Variants in ZCCHC7 observed in about 807,000 individuals in gnomAD.
ZCCHC7 encodes the protein zinc finger CCHC-type containing 7, also known as zinc finger CCHC domain-containing protein 7.
In ZCCHC7, 35 loss-of-function variants were observed where a neutral mutation model predicts 52.0. The ratio of observed to expected loss-of-function variants is 0.67; its 90% confidence interval spans 0.51 to 0.89. The LOEUF (loss-of-function observed/expected upper bound fraction) is 0.89, where lower values mean the gene tolerates loss of function less well. Ranked by LOEUF, ZCCHC7 falls within the 40% of genes least tolerant of loss-of-function variation. ZCCHC7 has a pLI of 0.00. For synonymous variants in ZCCHC7, 217 were observed against 221.5 expected (o/e 0.98, Z 0.18); for missense variants, 574 against 649.1 (o/e 0.88, Z 1.26).
At chr9:37,160,412 G>A (rs1821034206) in intron 2 of ZCCHC7, among the ~76,000 whole-genome samples, 1 of 152,216 alleles carries the variant, frequency 6.6e-6, no homozygotes, top group Admixed American at 6.5e-5. Flanking sequence ...CTACTTGGGA[G>A]GCTGAGGCAG....
intron 2 of ZCCHC7, among the ~76,000 whole-genome samples, chr9:37,257,141 C>T (rs149143275): frequency 6.6e-4 from 100 of 152,178 alleles, no homozygotes; most frequent in African/African-American, 2.3e-3. Flanking sequence ...AATCTGTAGC[C>T]GTAGTAAATT....
At chr9:37,287,131 G>C (rs1828291649) in intron 2 of ZCCHC7, among the ~76,000 whole-genome samples, 1 of 144,668 alleles carries the variant, frequency 6.9e-6, no homozygotes, top group Non-Finnish European at 1.5e-5. Context: ...CCGGGCTCTA[G>C]CAGTCCTACT....
chr9:37,254,674 A>C (rs1027609158), intron 2 of ZCCHC7, among the ~76,000 whole-genome samples: 5 of 152,016 alleles, frequency 3.3e-5, no homozygotes, highest in African/African-American at 4.8e-5. Context: ...AATTAGAGTA[A>C]GTATGTGAAA....
intron 6 of ZCCHC7, among the ~76,000 whole-genome samples, chr9:37,336,372 A>T (rs576543701): frequency 1.3e-5 from 2 of 152,300 alleles, no homozygotes; most frequent in East Asian, 3.9e-4. Flanking sequence ...CTCAGATGGA[A>T]CATATTGTAA....
chr9:37,201,236 T>C (rs941618810), intron 2 of ZCCHC7, among the ~76,000 whole-genome samples: 5 of 152,212 alleles, frequency 3.3e-5, no homozygotes, highest in Non-Finnish European at 5.9e-5. Context: ...ATTGTCTTTT[T>C]AATGCCATAT....
chr9:37,278,323 A>T (rs1426826311), intron 2 of ZCCHC7, among the ~76,000 whole-genome samples: 3 of 152,344 alleles, frequency 2.0e-5, no homozygotes, highest in Admixed American at 1.3e-4. Flanking sequence ...AAATAAAACT[A>T]TAAAAGAGAA....
chr9:37,136,700 C>A (rs1843011936), intron 2 of ZCCHC7, among the ~76,000 whole-genome samples: 2 of 152,280 alleles, frequency 1.3e-5, no homozygotes, highest in Admixed American at 6.5e-5. Flanking sequence ...TGGTCTTGAA[C>A]TCTTGGCTCA....
intron 5 of ZCCHC7, among the ~76,000 whole-genome samples, chr9:37,324,071 T>C (rs1337744914): frequency 2.0e-5 from 3 of 152,224 alleles, no homozygotes; most frequent in African/African-American, 7.2e-5. Context: ...TTAAACTGAA[T>C]TATTCTCTTT....
intron 2 of ZCCHC7, among the ~76,000 whole-genome samples, chr9:37,227,596 A>G (rs1460218701): frequency 6.6e-6 from 1 of 152,208 alleles, no homozygotes; most frequent in Non-Finnish European, 1.5e-5. Context: ...GTATTTACCC[A>G]AGAGAACTGA....
chr9:37,216,046 A>G (rs1403147779), intron 2 of ZCCHC7, among the ~76,000 whole-genome samples: 1 of 152,204 alleles, frequency 6.6e-6, no homozygotes, highest in East Asian at 1.9e-4. Flanking sequence ...CTCCCACACA[A>G]CTAACAAAGT....
intron 2 of ZCCHC7, among the ~76,000 whole-genome samples, chr9:37,214,336 C>G (rs141203380): frequency 0.012 from 1,833 of 152,024 alleles, 14 homozygotes; most frequent in Non-Finnish European, 0.018. Flanking sequence ...TTCGGTTTTT[C>G]TAGATACATA....
intron 5 of ZCCHC7, 42 bp from the exon 6 acceptor site, chr9:37,327,757 C>A (rs1456312354): frequency 6.2e-7 from 1 of 1,611,750 alleles, no homozygotes; most frequent in Non-Finnish European, 8.5e-7. Flanking sequence ...TGTAAAGTAC[C>A]TTGTTTCATG....
intron 2 of ZCCHC7, among the ~76,000 whole-genome samples, chr9:37,202,385 A>T (rs904137013): frequency 1.1e-4 from 17 of 152,250 alleles, no homozygotes; most frequent in African/African-American, 4.1e-4. Context: ...TGGCAGTTAA[A>T]ACCAAAGGGA....
At chr9:37,130,579 G>A (rs1222068478) in intron 2 of ZCCHC7, among the ~76,000 whole-genome samples, 2 of 150,054 alleles carry the variant, frequency 1.3e-5, no homozygotes, top group African/African-American at 2.5e-5. Context: ...TGCAAGCTGC[G>A]CCTCCCGGGT....
At chr9:37,186,313 A>G (rs1822652577) in intron 2 of ZCCHC7, among the ~76,000 whole-genome samples, 1 of 152,226 alleles carries the variant, frequency 6.6e-6, no homozygotes, top group South Asian at 2.1e-4. Flanking sequence ...ATCCACTTCT[A>G]AGGCTACATC....
At chr9:37,185,037 G>T (rs1346553353) in intron 2 of ZCCHC7, among the ~76,000 whole-genome samples, 7 of 152,038 alleles carry the variant, frequency 4.6e-5, no homozygotes, top group African/African-American at 1.7e-4. Flanking sequence ...AACTTGCTGA[G>T]ATCTTTTTTT....
intron 5 of ZCCHC7, among the ~76,000 whole-genome samples, chr9:37,318,127 A>G (rs1829899938): frequency 6.6e-6 from 1 of 151,978 alleles, no homozygotes; most frequent in Non-Finnish European, 1.5e-5. Flanking sequence ...AATAATGAAT[A>G]CTAGATGCAA....
intron 2 of ZCCHC7, among the ~76,000 whole-genome samples, chr9:37,200,064 A>T (rs1823551011): frequency 6.6e-6 from 1 of 152,106 alleles, no homozygotes. Flanking sequence ...GTGCGCCACC[A>T]TTATTAAATG....
At position 37,349,337 on chromosome 9, in the gene ZCCHC7, C is replaced by A. The variant is rs547921176; in HGVS notation, c.988-20C>A. On this transcript the variant is annotated intron_variant, in intron 6 of 8. Transcript: ENST00000336755. ...TTTTCTTCTAACATCAACAAACCCT[C>A]ACAAATATTCATGTTGCAGACCAAA... The A allele has an allele frequency of 6.2e-7, 1 of 1,611,312 alleles. No individual in the cohort carries two copies. The highest frequency in any genetic ancestry group is 8.5e-7 in the Non-Finnish European group (1 of 1,178,406).
Sources: allele counts gnomAD v4.1 joint callset (sites outside exome capture counted in the v4.1 genomes callset), GRCh38; gene constraint gnomAD v4.1.1; transcripts MANE v1.5; gene names NCBI Gene and HGNC (gene_info 2026-07-23, HGNC 2026-07-21).